MMUT: variants seen among roughly 807,000 people sequenced by gnomAD.
MMUT encodes the protein methylmalonyl-CoA mutase.
A neutral mutation model predicts 79.9 loss-of-function variants in MMUT; 79 were observed. The ratio of observed to expected loss-of-function variants is 0.99; its 90% CI spans 0.82 to 1.19. The LOEUF (loss-of-function observed/expected upper bound fraction) is 1.19, where lower values mean the gene tolerates loss of function less well. MMUT is among the 50% of genes most tolerant of loss of function. MMUT has a pLI of 0.00. For missense variants in MMUT, 860 were observed against 917.2 expected (o/e 0.94, Z 0.81); for synonymous variants, 273 against 295.7 (o/e 0.92, Z 0.79).
At chr6:49,441,774 G>T (rs9473555) in intron 10 of MMUT, 66 bp downstream of exon 10, 3 of 1,516,816 alleles carry the variant, frequency 2.0e-6, no homozygotes, top group Non-Finnish European at 2.7e-6. Flanking sequence ...TAAGCTCCCA[G>T]TAGATTCAAG....
At chr6:49,432,114 G>A (rs1216555783) in intron 12 of MMUT, among the ~76,000 whole-genome samples, 1 of 152,012 alleles carries the variant, frequency 6.6e-6, no homozygotes, top group Non-Finnish European at 1.5e-5. Context: ...CTTGTGGTAG[G>A]AAGCTGGATA....
chr6:49,432,537 G>A (rs540999114), intron 12 of MMUT, among the ~76,000 whole-genome samples: 13 of 152,042 alleles, frequency 8.6e-5, no homozygotes, highest in South Asian at 8.3e-4. Context: ...ACAGGCGCCC[G>A]CCACCATGCC....
intron 11 of MMUT, among the ~76,000 whole-genome samples, chr6:49,439,683 T>G (rs1313266796): frequency 6.6e-6 from 1 of 152,108 alleles, no homozygotes; most frequent in Non-Finnish European, 1.5e-5. Flanking sequence ...GGAGACAAAT[T>G]CATTAATTTA....
intron 5 of MMUT, among the ~76,000 whole-genome samples, chr6:49,452,455 C>T (rs1451546635): frequency 1.3e-5 from 2 of 152,154 alleles, no homozygotes; most frequent in Non-Finnish European, 2.9e-5. Context: ...GCCTCAGCCT[C>T]CTGAGTAGCT....
Position 49,448,941 on chromosome 6 carries a change from CA to C in MMUT, c.1333-15del. On this transcript the variant is annotated splice_polypyrimidine_tract_variant and intron_variant, in intron 6 of 12. Transcript: ENST00000274813. ...TTCATTAATGAGCTAAAAAGAAAAA[CA>C]TTAACAAAACTAAAAGAGAATATTA... is the stretch of plus-strand genomic sequence containing the variant. 1 of 1,539,874 alleles carries C rather than the reference CA, an allele frequency of 6.5e-7. No individual in the cohort carries two copies. The highest frequency in any genetic ancestry group is 9.0e-7 in the Non-Finnish European group (1 of 1,112,720).
chr6:49,434,078 T>A (rs1767058390), intron 12 of MMUT, among the ~76,000 whole-genome samples: 1 of 152,142 alleles, frequency 6.6e-6, no homozygotes, highest in Non-Finnish European at 1.5e-5. Flanking sequence ...GAATTCCAAT[T>A]CAAATGTTTT....
chr6:49,453,103 G>A (rs972345226), intron 5 of MMUT, among the ~76,000 whole-genome samples: 10 of 146,520 alleles, frequency 6.8e-5, no homozygotes, highest in Non-Finnish European at 8.9e-5. Context: ...GTGCAGTGGC[G>A]TCATCTTGGC....
chr6:49,452,239 A>C (rs1218020293), intron 5 of MMUT, among the ~76,000 whole-genome samples: 2 of 152,232 alleles, frequency 1.3e-5, no homozygotes, highest in African/African-American at 2.4e-5. Context: ...TTAGCTGAAA[A>C]AATAAGCAGG....
At chr6:49,456,484 A>T (rs1178492029) in intron 3 of MMUT, among the ~76,000 whole-genome samples, 3 of 152,190 alleles carry the variant, frequency 2.0e-5, no homozygotes, top group Non-Finnish European at 4.4e-5. Flanking sequence ...ACAAGAATTT[A>T]TACTAACCAT....
Position 49,456,085 on chromosome 6 carries a change from T to G in MMUT, c.906A>C (p.Ala302=). ...LQAGLTIDEF[A]PRLSFFWGIG... ...TCTAGGTTTAATTTACTCACCTTGG[T>G]GCAAATTCATCAATTGTCAGGCCAG... The change falls in exon 4 of 13, where the codon GCA becomes GCC. Residue 302 remains alanine, a synonymous_variant. Transcript: ENST00000274813. The G allele has an allele frequency of 6.2e-7, 1 of 1,612,806 alleles. No individual in the cohort carries two copies. Among genetic ancestry groups the G allele is most frequent in the Non-Finnish European group, 8.5e-7 (1 of 1,178,842 alleles).
At chr6:49,462,594 A>G (rs1189611952) in intron 1 of MMUT, among the ~76,000 whole-genome samples, 2 of 152,198 alleles carry the variant, frequency 1.3e-5, no homozygotes, top group African/African-American at 2.4e-5. Flanking sequence ...TTTTATGTCA[A>G]TTTAGACCTG....
At chr6:49,444,174 G>T (rs76804522) in intron 9 of MMUT, among the ~76,000 whole-genome samples, 13,556 of 151,998 alleles carry the variant, frequency 0.089, 639 homozygotes, top group Non-Finnish European at 0.11. Context: ...GGACTGGGAG[G>T]GGGGTGTGGG....
rs1254592529 is a variant in MMUT at position 49,431,285 on chromosome 6, T to TC, written c.*442dup. 6.5e-6 allele frequency: 1 copy of TC among 153,546 alleles called. No homozygotes were observed. Among genetic ancestry groups the TC allele is most frequent in the Non-Finnish European group, 1.4e-5 (1 of 69,050 alleles). 9.5% of individuals were successfully genotyped at this position (153,546 alleles called of 1,614,324 possible). Reference sequence around the variant, plus strand: ...CACGTAAATACACTCCACTAGTTTTTCAAGATAGGTTTTTATTAATATATG... The same window carrying TC: ...CACGTAAATACACTCCACTAGTTTTTCCAAGATAGGTTTTTATTAATATATG... On this transcript the variant is annotated 3_prime_UTR_variant, in exon 13 of 13. Coordinates refer to ENST00000274813, the MANE Select transcript of MMUT (RefSeq NM_000255.4).
rs1052618679 is a variant in MMUT, at chr6:49,447,946, G to T, written c.1445-161C>A. ...CAGCAAATCCCAATCTGAGAAGGGG[G>T]TGTGAGAGGAAAGTAGAGGTATATG... On this transcript the variant is annotated intron_variant, in intron 7 of 12. Transcript: ENST00000274813. 5.3e-5 allele frequency among the ~76,000 whole-genome samples: 8 copies of T among 151,914 alleles called. No individual in the cohort carries two copies. In the East Asian group the frequency reaches 1.3e-3, roughly 26 times the overall value.
intron 7 of MMUT, among the ~76,000 whole-genome samples, chr6:49,448,194 G>A (rs2127416965): frequency 6.6e-6 from 1 of 151,976 alleles, no homozygotes; most frequent in South Asian, 2.1e-4. Flanking sequence ...TAATCTATTA[G>A]TAAATCAAAA....
intron 1 of MMUT, among the ~76,000 whole-genome samples, chr6:49,459,936 G>A (rs1767798559): frequency 6.6e-6 from 1 of 152,086 alleles, no homozygotes; most frequent in Admixed American, 6.6e-5. Flanking sequence ...CATTATGTTG[G>A]GTAATAGAGA....
intron 1 of MMUT, among the ~76,000 whole-genome samples, chr6:49,460,033 C>T (rs1351938536): frequency 1.3e-5 from 2 of 152,150 alleles, no homozygotes; most frequent in African/African-American, 2.4e-5. Context: ...TGTCTTTGTC[C>T]TCTTTATGCA....
At chr6:49,436,332 G>A (rs370052195) in intron 11 of MMUT, among the ~76,000 whole-genome samples, 11 of 152,054 alleles carry the variant, frequency 7.2e-5, no homozygotes, top group African/African-American at 2.7e-4. Flanking sequence ...GCAGCTGGGC[G>A]TGGTGGTTCA....
At chr6:49,438,030 T>C (rs1344223307) in intron 11 of MMUT, among the ~76,000 whole-genome samples, 1 of 152,128 alleles carries the variant, frequency 6.6e-6, no homozygotes, top group African/African-American at 2.4e-5. Context: ...ATGTACGAAA[T>C]AGTAATAATT....
Sources: gnomAD v4.1 joint callset for allele counts (sites outside exome capture counted in the v4.1 genomes callset) on GRCh38, gnomAD v4.1.1 for gene constraint, MANE v1.5 for transcripts, NCBI Gene and HGNC (gene_info 2026-07-23, HGNC 2026-07-21) for gene names.